The following TRPV3 variants were observed in gnomAD, a reference collection of about 807,000 sequenced individuals.
The protein encoded by TRPV3 is transient receptor potential cation channel subfamily V member 3.
A neutral mutation model predicts 87.1 loss-of-function variants in TRPV3; 88 were observed. The ratio of observed to expected loss-of-function variants is 1.01; its 90% confidence interval spans 0.85 to 1.21. The LOEUF is 1.21. Among genes scored for constraint, TRPV3 ranks in the 50% most tolerant of loss-of-function variants. The pLI, the probability that TRPV3 is intolerant of heterozygous loss-of-function variation, is 0.00. For synonymous variants in TRPV3, 438 were observed against 423.3 expected, an observed-to-expected ratio of 1.03 and a Z score of -0.43; for missense variants, 1,054 against 1,030.1, an observed-to-expected ratio of 1.02 and a Z score of -0.32.
chr17:3,515,330 G>C (rs1389885768), intron 16 of TRPV3, among the ~76,000 whole-genome samples: 2 of 152,184 alleles, frequency 1.3e-5, no homozygotes, highest in Admixed American at 1.3e-4. Flanking sequence ...GGCTCAGGCA[G>C]TTGGGTCAGG....
At chr17:3,550,072 G>T (rs1055519607) in intron 2 of TRPV3, among the ~76,000 whole-genome samples, 1 of 152,116 alleles carries the variant, frequency 6.6e-6, no homozygotes, top group Non-Finnish European at 1.5e-5. Context: ...ATGGATGGAT[G>T]GATGGATAAT....
Position 3,511,229 on chromosome 17 carries a change from A to C in TRPV3, c.*2688T>G, listed in dbSNP as rs1049645625. 1.3e-5 allele frequency: 2 copies of C among 152,200 alleles called. No homozygotes were observed. Among genetic ancestry groups the C allele is most frequent in the African/African-American group, 2.4e-5 (1 of 41,448 alleles). The allele number at this position is 152,200 out of a possible 1,614,324, so 9.4% of individuals were successfully genotyped here. The stretch of plus-strand genomic sequence containing the variant: ...TGTGGGCACACTTGAATTTTCAACT[A>C]GTCATAGGGAACATAGGGGACAATG... On this transcript the variant is annotated 3_prime_UTR_variant, in exon 18 of 18. Coordinates refer to ENST00000576742, the MANE Select transcript of TRPV3 (RefSeq NM_145068.4).
chr17:3,535,761 G>A (rs1315299930), intron 6 of TRPV3, 48 bp from the exon 7 acceptor site: 4 of 1,415,702 alleles, frequency 2.8e-6, no homozygotes, highest in Non-Finnish European at 2.8e-6. Flanking sequence ...CGGGCACAGG[G>A]GCCTCTTGCC....
rs1439461693 is a variant in TRPV3, at chr17:3,532,751, A to C, written c.971T>G (p.Ile324Ser). ...NDFVKRMYDM[I>S]LLRSGNWELE... ...CTCCCAGTTGCCACTCCGCAGTAGG[A>C]TCATGTCGTACATGCGCTTCACAAA... Residue 324 changes from isoleucine (I) to serine (S), a missense_variant, in exon 8 of 18, where the codon ATC becomes AGC. Transcript: ENST00000576742. 2.5e-6 allele frequency: 4 copies of C among 1,614,246 alleles called. No homozygotes were observed. In the East Asian group the frequency reaches 6.7e-5, roughly 27 times the overall value.
chr17:3,524,993 C>G (rs1398576883), intron 12 of TRPV3, among the ~76,000 whole-genome samples: 1 of 152,002 alleles, frequency 6.6e-6, no homozygotes, highest in Non-Finnish European at 1.5e-5. Flanking sequence ...TCCCCCAAAC[C>G]CTACTTTTTA....
rs565626961 is a variant in TRPV3 at position 3,510,564 on chromosome 17, G to A, written c.*3353C>T. Reference sequence around the variant, plus strand: ...ACCATTTCTTCAATGGCACAAACATGTTCTTACTCTTTGTATGATTTCTTT... The same window carrying A: ...ACCATTTCTTCAATGGCACAAACATATTCTTACTCTTTGTATGATTTCTTT... On this transcript the variant is annotated 3_prime_UTR_variant, in exon 18 of 18. Coordinates refer to ENST00000576742, the MANE Select transcript of TRPV3 (RefSeq NM_145068.4). 7.2e-5 allele frequency: 11 copies of A among 152,278 alleles called. No homozygotes were observed. The highest frequency in any genetic ancestry group is 3.3e-4 in the Admixed American group (5 of 15,300). 9.4% of individuals were successfully genotyped at this position (152,278 alleles called of 1,614,324 possible). A position where few individuals can be genotyped will look rare whatever the true frequency, so the allele number is the denominator to read the frequency against.
At chr17:3,529,117 A>G in intron 9 of TRPV3, 122 bp from the exon 10 acceptor site, 1 of 1,149,228 alleles carries the variant, frequency 8.7e-7, no homozygotes, top group African/African-American at 1.5e-5. Flanking sequence ...TGCCCGATGG[A>G]CTGGTCTGGT....
intron 6 of TRPV3, chr17:3,539,704 A>G (rs868702879): frequency 2.6e-5 from 4 of 152,080 alleles, no homozygotes; most frequent in Non-Finnish European, 4.4e-5. Context: ...AAACTGTTAT[A>G]TTGAATCTGA....
chr17:3,532,724 AG>A lies in TRPV3; in HGVS notation c.997del (p.Leu333TrpfsTer25), dbSNP rs1567637902. On this transcript the variant is annotated frameshift_variant, in exon 8 of 18. Transcript: ENST00000576742. LOFTEE classifies it high-confidence loss of function. ...GCCATCGTTGTTGCGAGTGGTCTCCAGCTCCCAGTTGCCACTCCGCAGTAGG... is the reference window on the plus strand; with the variant it reads ...GCCATCGTTGTTGCGAGTGGTCTCCACTCCCAGTTGCCACTCCGCAGTAGG... ...MILLRSGNWELETTRNNDGLT... is the reference protein window; with the variant it reads ...MILLRSGNWEXETTRNNDGLT... 1.2e-6 allele frequency: 2 copies of A among 1,614,246 alleles called. No individual in the cohort carries two copies. The highest frequency in any genetic ancestry group is 1.7e-6 in the Non-Finnish European group (2 of 1,180,036).
At chr17:3,539,734 T>C (rs1410744985) in intron 6 of TRPV3, 1 of 152,136 alleles carries the variant, frequency 6.6e-6, no homozygotes, top group East Asian at 1.9e-4. Context: ...TGTAGAGGTT[T>C]ATTATTCTAA....
chr17:3,538,093 G>A (rs2074424700), intron 6 of TRPV3, among the ~76,000 whole-genome samples: 1 of 151,716 alleles, frequency 6.6e-6, no homozygotes, highest in Admixed American at 6.6e-5. Flanking sequence ...AGCTACTCGG[G>A]AGGCTGAGGC....
At chr17:3,523,011 C>CGAGA (rs2074262018) in intron 13 of TRPV3, among the ~76,000 whole-genome samples, 1 of 151,960 alleles carries the variant, frequency 6.6e-6, no homozygotes, top group African/African-American at 2.4e-5. Context: ...TAGAACATCT[C>CGAGA]CCCCAAGAAT....
intron 8 of TRPV3, among the ~76,000 whole-genome samples, chr17:3,531,192 T>A (rs2050035659): frequency 6.6e-6 from 1 of 152,236 alleles, no homozygotes; most frequent in Non-Finnish European, 1.5e-5. Context: ...AAGTGCAGGC[T>A]GGACACAGAG....
At position 3,544,770 on chromosome 17, in the gene TRPV3, G is replaced by T. The variant is rs2074507697; in HGVS notation, c.225-105C>A. Reference sequence around the variant, plus strand: ...CCAGCACTTTGGGAGGCCGAGGCAGGTGGATCACTTGAGGTCAGGAGTTCG... The same window carrying T: ...CCAGCACTTTGGGAGGCCGAGGCAGTTGGATCACTTGAGGTCAGGAGTTCG... On this transcript the variant is annotated intron_variant, in intron 3 of 17. Coordinates refer to ENST00000576742, the MANE Select transcript of TRPV3 (RefSeq NM_145068.4). 3.7e-5 allele frequency: 29 copies of T among 780,228 alleles called. No homozygotes were observed. In the South Asian group the frequency reaches 4.2e-4, roughly 11 times the overall value. The allele number at this position is 780,228 out of a possible 1,614,324, so 48.3% of individuals were successfully genotyped here. A position where few individuals can be genotyped will look rare whatever the true frequency, so the allele number is the denominator to read the frequency against.
rs2074109527 is a variant in TRPV3 at position 3,511,266 on chromosome 17, AT to A, written c.*2650del. 1 of 152,230 alleles carries A rather than the reference AT, an allele frequency of 6.6e-6. No homozygotes were observed. Among genetic ancestry groups the A allele is most frequent in the African/African-American group, 2.4e-5 (1 of 41,444 alleles). 9.4% of individuals were successfully genotyped at this position (152,230 alleles called of 1,614,324 possible). On this transcript the variant is annotated 3_prime_UTR_variant, in exon 18 of 18. Transcript: ENST00000576742. ...CATAGGGGACAATGTTGACTGCCAA[AT>A]GAGACACCTGAGAAAATAGTCCTGC...
chr17:3,534,902 C>A (rs2074384927), intron 7 of TRPV3, among the ~76,000 whole-genome samples: 1 of 152,102 alleles, frequency 6.6e-6, no homozygotes, highest in Non-Finnish European at 1.5e-5. Flanking sequence ...CCTCCCAGGT[C>A]TCTGTTCCCT....
At chr17:3,542,722 G>C (rs1353513839) in intron 5 of TRPV3, 24 bp from the exon 6 acceptor site, 2 of 1,609,042 alleles carry the variant, frequency 1.2e-6, no homozygotes, top group Non-Finnish European at 1.7e-6. Flanking sequence ...CATGGGTGGA[G>C]TTACAGGAGG....
chr17:3,555,830 C>T (rs970809012), intron 1 of TRPV3, among the ~76,000 whole-genome samples: 1 of 152,088 alleles, frequency 6.6e-6, no homozygotes, highest in Admixed American at 6.6e-5. Context: ...ACCCTGCCAG[C>T]GAAAGCCATG....
chr17:3,535,607 G>A lies in TRPV3; in HGVS notation c.750C>T (p.Phe250=), dbSNP rs928647625. The A allele has an allele frequency of 3.2e-5, 52 of 1,609,746 alleles. No homozygotes were observed. The highest frequency in any genetic ancestry group is 7.7e-5 in the South Asian group (7 of 90,662). Residue 250 remains phenylalanine (F), a synonymous_variant, in exon 7 of 18, where the codon TTC becomes TTT. Transcript: ENST00000576742. ...DVNAHAKGAF[F]NPKYQHEGFY... ...AGCCTTCGTGTTGGTACTTGGGGTTGAAGAAGGCCCCCTTGGCGTGCGCGT... is the reference window on the plus strand; with the variant it reads ...AGCCTTCGTGTTGGTACTTGGGGTTAAAGAAGGCCCCCTTGGCGTGCGCGT...
Sources: gnomAD v4.1 joint callset for allele counts (sites outside exome capture counted in the v4.1 genomes callset) on GRCh38, gnomAD v4.1.1 for gene constraint, MANE v1.5 for transcripts, NCBI Gene and HGNC (gene_info 2026-07-23, HGNC 2026-07-21) for gene names.